Variants in ADAMTS15 observed in about 807,000 individuals in gnomAD.
The protein encoded by ADAMTS15 is ADAM metallopeptidase with thrombospondin type 1 motif 15.
A neutral mutation model predicts 79.1 loss-of-function variants in ADAMTS15; 35 were observed. The observed-to-expected ratio is 0.44, with a 90% confidence interval of 0.34 to 0.59. The LOEUF is 0.59. Among genes scored for constraint, ADAMTS15 ranks in the 20% least tolerant of loss-of-function variants. ADAMTS15 has a pLI of 0.02. For synonymous variants in ADAMTS15, 616 were observed against 567.3 expected, an observed-to-expected ratio of 1.09 and a Z score of -1.22; for missense variants, 1,324 against 1,318.7, an observed-to-expected ratio of 1.00 and a Z score of -0.06.
At chr11:130,451,246 A>C (rs1446705523) in intron 1 of ADAMTS15, among the ~76,000 whole-genome samples, 1 of 152,106 alleles carries the variant, frequency 6.6e-6, no homozygotes, top group Non-Finnish European at 1.5e-5. Flanking sequence ...GTGGGGCTCT[A>C]ACTCTCCACT....
intron 6 of ADAMTS15, 25 bp from the exon 7 acceptor site, chr11:130,471,182 CT>C: frequency 1.9e-6 from 3 of 1,586,318 alleles, no homozygotes; most frequent in Non-Finnish European, 1.7e-6. Flanking sequence ...GCTCTTCCTT[CT>C]TTTTCCCCTT....
chr11:130,459,046 TTTTTTG>T (rs1938146890), intron 1 of ADAMTS15, among the ~76,000 whole-genome samples: 1 of 144,344 alleles, frequency 6.9e-6, no homozygotes, highest in South Asian at 2.3e-4. Context: ...TTTTTTTTTT[TTTTTTG>T]AGACAGAGTC....
Position 130,462,812 on chromosome 11 carries a change from T to A in ADAMTS15, c.1542+32T>A, listed in dbSNP as rs773453877. On this transcript the variant is annotated intron_variant, in intron 4 of 7. Transcript: ENST00000299164. This position sits in a 1 kb window ranked among gnomAD's most constrained non-coding sequence, Gnocchi z 4.3. ...GAGTGCTGGAGCTGCGCTCGGGGACTGCTGGGAGGAGGGATGGAGACCCGG... is the reference window on the plus strand; with the variant it reads ...GAGTGCTGGAGCTGCGCTCGGGGACAGCTGGGAGGAGGGATGGAGACCCGG... 3 of 1,553,172 alleles carry A rather than the reference T, an allele frequency of 1.9e-6. No individual in the cohort carries two copies. The highest frequency in any genetic ancestry group is 1.8e-5 in the Admixed American group (1 of 56,190).
At position 130,473,203 on chromosome 11, in the gene ADAMTS15, G is replaced by A. The variant is rs142412900; in HGVS notation, c.2235G>A (p.Ala745=). The stretch of plus-strand genomic sequence containing the variant: ...TCAACGGGCATTTCGTGGTGTCGGC[G>A]GTGGAGCGGGACCTGGTGGTGAAGG... ...YLLNGHFVVS[A]VERDLVVKGS... The change falls in exon 8 of 8, where the codon GCG becomes GCA. Residue 745 remains alanine (A), a synonymous_variant. Transcript: ENST00000299164. The A allele has an allele frequency of 5.6e-5, 91 of 1,613,892 alleles. No individual in the cohort carries two copies. Among genetic ancestry groups the A allele is most frequent in the Admixed American group, 2.0e-4 (12 of 60,010 alleles).
At position 130,471,156 on chromosome 11, in the gene ADAMTS15, T is replaced by C. The variant is rs543033980; in HGVS notation, c.1903-52T>C. On this transcript the variant is annotated intron_variant, in intron 6 of 7. Transcript: ENST00000299164. ...TAGGGACCAGGTCTTCCGGGGAGCA[T>C]CAGCTGAGCTGCCCTGCTCTTCCTT... 8 of 1,590,564 alleles carry C rather than the reference T, an allele frequency of 5.0e-6. No individual in the cohort carries two copies. The African/African-American group carries it at 1.1e-4, about 21-fold the overall frequency.
rs1937912244 is a variant in ADAMTS15 at position 130,449,466 on chromosome 11, G to C, written c.493G>C (p.Gly165Arg). 1.3e-6 allele frequency: 2 copies of C among 1,569,394 alleles called. No individual in the cohort carries two copies. The highest frequency in any genetic ancestry group is 1.7e-6 in the Non-Finnish European group (2 of 1,161,342). Reference sequence around the variant, plus strand: ...TCTCCAGCGCCGGGGTGTTCCGGGCGGGCCTTCCGGAGACCCCACCTCTCG... The same window carrying C: ...TCTCCAGCGCCGGGGTGTTCCGGGCCGGCCTTCCGGAGACCCCACCTCTCG... ...HLLQRRGVPG[G>R]PSGDPTSRCG... Residue 165 changes from glycine (G) to arginine (R), a missense_variant, in exon 1 of 8, where the codon GGG becomes CGG. Coordinates refer to ENST00000299164, the MANE Select transcript of ADAMTS15 (RefSeq NM_139055.4). The surrounding 1 kb of genome is among the most constrained non-coding windows in gnomAD (Gnocchi z 7.8).
intron 1 of ADAMTS15, 107 bp from the exon 2 acceptor site, chr11:130,461,382 A>C: frequency 1.3e-6 from 2 of 1,511,008 alleles, no homozygotes; most frequent in Non-Finnish European, 1.8e-6. Context: ...GTGAGGTTGG[A>C]ATGAGATGAG....
intron 1 of ADAMTS15, among the ~76,000 whole-genome samples, chr11:130,457,224 C>T (rs1938101957): frequency 7.1e-6 from 1 of 141,740 alleles, no homozygotes; most frequent in African/African-American, 2.8e-5. Context: ...GAGCGAGACT[C>T]AGTCTCAAAA....
intron 1 of ADAMTS15, among the ~76,000 whole-genome samples, chr11:130,454,215 C>T (rs1479618115): frequency 1.3e-5 from 2 of 152,204 alleles, no homozygotes; most frequent in Non-Finnish European, 2.9e-5. Flanking sequence ...TCTCACCTTC[C>T]TCTTTTGGGA....
At chr11:130,453,538 T>C (rs1938012366) in intron 1 of ADAMTS15, among the ~76,000 whole-genome samples, 1 of 152,102 alleles carries the variant, frequency 6.6e-6, no homozygotes, top group Non-Finnish European at 1.5e-5. Context: ...GGTCAAGTAA[T>C]ACTCCCACCT....
chr11:130,456,199 G>T (rs1938075710), intron 1 of ADAMTS15, among the ~76,000 whole-genome samples: 1 of 152,166 alleles, frequency 6.6e-6, no homozygotes, highest in East Asian at 1.9e-4. Flanking sequence ...TCTCGCGACA[G>T]TCTGGCACAC....
Position 130,461,898 on chromosome 11 carries a change from C to T in ADAMTS15, c.1091-189C>T, listed in dbSNP as rs191701051. Among the ~76,000 whole-genome samples, 4 of 152,312 alleles carry T rather than the reference C, an allele frequency of 2.6e-5. No homozygotes were observed. The East Asian group carries it at 5.8e-4, about 22-fold the overall frequency. On this transcript the variant is annotated intron_variant, in intron 2 of 7. Coordinates refer to ENST00000299164, the MANE Select transcript of ADAMTS15 (RefSeq NM_139055.4). ...GTACACTCTGTTGTCAGGGAGCCCA[C>T]AGCCTGACGGAGGGGACAGAAAACA...
chr11:130,452,682 T>C (rs1937989218), intron 1 of ADAMTS15, among the ~76,000 whole-genome samples: 1 of 152,204 alleles, frequency 6.6e-6, no homozygotes, highest in African/African-American at 2.4e-5. Flanking sequence ...AGCTACAAAT[T>C]GTAATAAATT....
intron 1 of ADAMTS15, among the ~76,000 whole-genome samples, chr11:130,457,669 T>G (rs961544573): frequency 1.3e-5 from 2 of 152,080 alleles, no homozygotes; most frequent in Non-Finnish European, 2.9e-5. Context: ...CAGCTTCTGT[T>G]TTTTGGAGGC....
At chr11:130,466,070 A>G (rs1938294695) in intron 4 of ADAMTS15, among the ~76,000 whole-genome samples, 1 of 151,914 alleles carries the variant, frequency 6.6e-6, no homozygotes, top group Admixed American at 6.5e-5. Flanking sequence ...ATGGGGTTTC[A>G]TCATGTTGGT....
rs1938592043 is a variant in ADAMTS15 at position 130,476,548 on chromosome 11, G to C, written c.*2727G>C. 6.6e-6 allele frequency: 1 copy of C among 152,442 alleles called. No individual in the cohort carries two copies. Among genetic ancestry groups the C allele is most frequent in the African/African-American group, 2.4e-5 (1 of 41,436 alleles). The allele number at this position is 152,442 out of a possible 1,614,324, so 9.4% of individuals were successfully genotyped here. A position where few individuals can be genotyped will look rare whatever the true frequency, so the allele number is the denominator to read the frequency against. The stretch of plus-strand genomic sequence containing the variant: ...GTACTGCAGAAGGATGGAAGGACCT[G>C]GGTGCTGGCTGGGCTGTGTATACTG... On this transcript the variant is annotated 3_prime_UTR_variant, in exon 8 of 8. Coordinates refer to ENST00000299164, the MANE Select transcript of ADAMTS15 (RefSeq NM_139055.4).
intron 4 of ADAMTS15, among the ~76,000 whole-genome samples, chr11:130,468,939 CAAAAAAAAAAA>C (rs911391031): frequency 2.2e-4 from 6 of 27,856 alleles, no homozygotes; most frequent in African/African-American, 5.9e-4. Context: ...TCCACCTCAA[CAAAAAAAAAAA>C]AAAAAAAAAA....
Position 130,462,350 on chromosome 11 carries a change from T to C in ADAMTS15, c.1258+96T>C. On this transcript the variant is annotated intron_variant, in intron 3 of 7. Transcript: ENST00000299164. This position sits in a 1 kb window ranked among gnomAD's most constrained non-coding sequence, Gnocchi z 4.3. Reference sequence around the variant, plus strand: ...GCTCACTTCTCCGTCCTCTGTACATTAGGTGTGTGTGCCCCCTCGGAGCCG... The same window carrying C: ...GCTCACTTCTCCGTCCTCTGTACATCAGGTGTGTGTGCCCCCTCGGAGCCG... 6.7e-7 allele frequency: 1 copy of C among 1,495,434 alleles called. No individual in the cohort carries two copies. The highest frequency in any genetic ancestry group is 9.0e-7 in the Non-Finnish European group (1 of 1,115,408). The allele number at this position is 1,495,434 out of a possible 1,614,324, so 92.6% of individuals were successfully genotyped here.
At chr11:130,454,846 C>G (rs563449570) in intron 1 of ADAMTS15, among the ~76,000 whole-genome samples, 8 of 152,090 alleles carry the variant, frequency 5.3e-5, no homozygotes, top group Non-Finnish European at 1.2e-4. Context: ...TATTTTTAAC[C>G]GCTGGTCTAG....
Sources: allele counts gnomAD v4.1 joint callset (sites outside exome capture counted in the v4.1 genomes callset), GRCh38; gene constraint gnomAD v4.1.1; non-coding constraint Gnocchi (gnomAD v3.1); transcripts MANE v1.5; gene names NCBI Gene and HGNC (gene_info 2026-07-23, HGNC 2026-07-21).